Variants in NLRP13 observed in about 807,000 individuals in gnomAD.
The protein encoded by NLRP13 is NLR family pyrin domain containing 13, also known as NACHT, LRR and PYD domains-containing protein 13.
In NLRP13, 82 loss-of-function variants were observed where a neutral mutation model predicts 94.4. The observed-to-expected ratio is 0.87, with a 90% CI of 0.73 to 1.04. The LOEUF is 1.04. Ranked by LOEUF, NLRP13 falls within the 50% of genes least tolerant of loss-of-function variation. The pLI is 0.00. For synonymous variants in NLRP13, 553 were observed against 464.7 expected, an observed-to-expected ratio of 1.19 and a Z score of -2.45; for missense variants, 1,426 against 1,230.8, an observed-to-expected ratio of 1.16 and a Z score of -2.37.
At chr19:55,926,073 G>A (rs898734119) in intron 1 of NLRP13, among the ~76,000 whole-genome samples, 3 of 152,298 alleles carry the variant, frequency 2.0e-5, no homozygotes, top group African/African-American at 4.8e-5. Flanking sequence ...CAGAGGAAAA[G>A]TAGACGATTT....
chr19:55,922,640 T>C (rs1401570423), intron 4 of NLRP13, among the ~76,000 whole-genome samples: 2 of 152,194 alleles, frequency 1.3e-5, no homozygotes, highest in Non-Finnish European at 2.9e-5. Context: ...TGTTTTAAGC[T>C]ATCCAGTTTG....
rs190112717 is a variant in NLRP13, at chr19:55,924,218, G to A, written c.458-239C>T. On this transcript the variant is annotated intron_variant, in intron 3 of 10. Coordinates refer to ENST00000342929, the MANE Select transcript of NLRP13 (RefSeq NM_176810.2). Reference sequence around the variant, plus strand: ...GCTCACTGCAACATCTGCCTCCTGGGTTCAAGAGATTCTCCTGCCTCAGCC... The same window carrying A: ...GCTCACTGCAACATCTGCCTCCTGGATTCAAGAGATTCTCCTGCCTCAGCC... Among the ~76,000 whole-genome samples the A allele has an allele frequency of 2.1e-3, 324 of 152,250 alleles. 2 individuals carry two copies. Among genetic ancestry groups the A allele is most frequent in the African/African-American group, 7.1e-3 (295 of 41,546 alleles).
At chr19:55,927,787 G>T (rs1381428260) in intron 1 of NLRP13, among the ~76,000 whole-genome samples, 1 of 152,122 alleles carries the variant, frequency 6.6e-6, no homozygotes, top group Non-Finnish European at 1.5e-5. Flanking sequence ...GTTTAAGAAA[G>T]AATTGTGGCC....
Position 55,924,779 on chromosome 19 carries a change from G to T in NLRP13, c.389-121C>A, listed in dbSNP as rs549458488. The T allele has an allele frequency of 1.7e-4, 156 of 891,958 alleles. No individual in the cohort carries two copies. In the African/African-American group the frequency reaches 2.4e-3, roughly 14 times the overall value. 55.3% of individuals were successfully genotyped at this position (891,958 alleles called of 1,614,324 possible). On this transcript the variant is annotated intron_variant, in intron 2 of 10. Coordinates refer to ENST00000342929, the MANE Select transcript of NLRP13 (RefSeq NM_176810.2). ...GCAAACGGGATTGAAGAGACTGGAG[G>T]AATCAGTATGCCCAGTTTACAGTAA...
At chr19:55,895,682 C>CA (rs966452009), downstream of NLRP13, among the ~76,000 whole-genome samples, 10 of 152,036 alleles carry the variant, frequency 6.6e-5, no homozygotes, top group African/African-American at 2.4e-4. Flanking sequence ...GACACTGTCT[C>CA]AAAAAAGGTG....
downstream of NLRP13, among the ~76,000 whole-genome samples, chr19:55,893,399 T>G (rs575775798): frequency 6.6e-6 from 1 of 152,002 alleles, no homozygotes; most frequent in Non-Finnish European, 1.5e-5. Context: ...AAAAAAAAAG[T>G]AATGGCAAAA....
chr19:55,932,152 G>A lies in NLRP13; in HGVS notation c.160C>T (p.Arg54Cys), dbSNP rs748977496. 1.4e-5 allele frequency: 22 copies of A among 1,614,050 alleles called. No individual in the cohort carries two copies. Among genetic ancestry groups the A allele is most frequent in the South Asian group, 6.6e-5 (6 of 91,080 alleles). The change falls in exon 1 of 11, where the codon CGT (arginine) becomes TGT (cysteine). Residue 54 changes from arginine (R) to cysteine (C), a missense_variant. Physicochemically the swap from Arg to Cys is radical, Grantham distance 180. Transcript: ENST00000342929. ...FWSAPQGHFPRIPWANLRAAD... is the reference protein window; with the variant it reads ...FWSAPQGHFPCIPWANLRAAD... ...GCTCTCAAGTTTGCCCAGGGGATAC[G>A]CGGGAAGTGCCCCTGGGGGGCCGAC...
intron 8 of NLRP13, among the ~76,000 whole-genome samples, chr19:55,903,931 G>T (rs1339422748): frequency 6.6e-6 from 1 of 152,108 alleles, no homozygotes; most frequent in African/African-American, 2.4e-5. Flanking sequence ...GTCAGATTAA[G>T]GTAACATCCC....
chr19:55,932,207 G>A lies in NLRP13; in HGVS notation c.105C>T (p.Cys35=). Residue 35 remains cysteine (C), a synonymous_variant, in exon 1 of 11, where the codon TGC becomes TGT. Coordinates refer to ENST00000342929, the MANE Select transcript of NLRP13 (RefSeq NM_176810.2). The part of the protein sequence containing the change: ...DQYQLEEFKL[C]LEPQQLMDFW... ...AGTCCATCAGCTGCTGGGGTTCCAAGCAAAGCTTGAATTCCTCCAGCTGAT... is the reference window on the plus strand; with the variant it reads ...AGTCCATCAGCTGCTGGGGTTCCAAACAAAGCTTGAATTCCTCCAGCTGAT... The A allele has an allele frequency of 6.2e-7, 1 of 1,613,966 alleles. No homozygotes were observed. The highest frequency in any genetic ancestry group is 8.5e-7 in the Non-Finnish European group (1 of 1,179,934).
rs1462958155 is a variant in NLRP13, at chr19:55,912,124, C to G, written c.1693G>C (p.Glu565Gln). ...EFPPHSTKPQEMKMLLQHVLL... is the reference protein window; with the variant it reads ...EFPPHSTKPQQMKMLLQHVLL... Reference sequence around the variant, plus strand: ...ACGTGTTGCAGTAACATCTTCATCTCTTGTGGCTTTGTGGAATGGGGAGGG... The same window carrying G: ...ACGTGTTGCAGTAACATCTTCATCTGTTGTGGCTTTGTGGAATGGGGAGGG... Residue 565 changes from glutamate to glutamine, a missense_variant, in exon 5 of 11, where the codon GAG becomes CAG. Glu to Gln is a conservative substitution (Grantham distance 29). Coordinates refer to ENST00000342929, the MANE Select transcript of NLRP13 (RefSeq NM_176810.2). 1 of 1,614,212 alleles carries G rather than the reference C, an allele frequency of 6.2e-7. No homozygotes were observed.
chr19:55,918,757 A>G (rs1986737996), intron 4 of NLRP13, among the ~76,000 whole-genome samples: 1 of 152,108 alleles, frequency 6.6e-6, no homozygotes, highest in Non-Finnish European at 1.5e-5. Context: ...AAATCCCAGT[A>G]CCAGATGTAT....
intron 1 of NLRP13, among the ~76,000 whole-genome samples, chr19:55,926,227 GA>G (rs941979665): frequency 1.3e-5 from 2 of 152,200 alleles, no homozygotes; most frequent in Non-Finnish European, 2.9e-5. Context: ...GATCTTCATA[GA>G]TTAAATTTAA....
At chr19:55,908,362 C>T (rs1347629621) in intron 6 of NLRP13, among the ~76,000 whole-genome samples, 2 of 152,128 alleles carry the variant, frequency 1.3e-5, no homozygotes, top group Admixed American at 6.5e-5. Context: ...CTAAGTACGA[C>T]CAAAAGTTTA....
intron 4 of NLRP13, among the ~76,000 whole-genome samples, chr19:55,914,647 G>A (rs570291576): frequency 1.3e-5 from 2 of 152,246 alleles, no homozygotes; most frequent in South Asian, 4.1e-4. Context: ...TTAGTGAGAT[G>A]GGGCAGTAAT....
chr19:55,906,451 TC>T (rs943979465), intron 7 of NLRP13, among the ~76,000 whole-genome samples: 9 of 151,874 alleles, frequency 5.9e-5, no homozygotes, highest in Non-Finnish European at 8.8e-5. Flanking sequence ...TCCCTAAGGT[TC>T]CCCAAAACCT....
chr19:55,931,688 G>A (rs1370955792), intron 1 of NLRP13, among the ~76,000 whole-genome samples: 3 of 55,850 alleles, frequency 5.4e-5, no homozygotes, highest in Non-Finnish European at 1.1e-4. Context: ...CAGCCTGGGC[G>A]ACAGAGTGGA....
chr19:55,898,376 A>G (rs1157718922), intron 10 of NLRP13, among the ~76,000 whole-genome samples: 1 of 151,680 alleles, frequency 6.6e-6, no homozygotes, highest in Non-Finnish European at 1.5e-5. Flanking sequence ...CACCCAGCTA[A>G]TTTTCGTATT....
intron 9 of NLRP13, among the ~76,000 whole-genome samples, chr19:55,899,660 A>G (rs1020812374): frequency 6.6e-6 from 1 of 152,130 alleles, no homozygotes. Flanking sequence ...GGTGCCTGCA[A>G]TCCCAGCTAC....
At chr19:55,896,820 CAAAAAAAAA>C (rs3073244) in intron 10 of NLRP13, among the ~76,000 whole-genome samples, 5 of 80,912 alleles carry the variant, frequency 6.2e-5, no homozygotes, top group African/African-American at 4.0e-5. Context: ...CTCCATCTCA[CAAAAAAAAA>C]AAAAAAAAAA....
Sources: gnomAD v4.1 joint callset for allele counts (sites outside exome capture counted in the v4.1 genomes callset) on GRCh38, gnomAD v4.1.1 for gene constraint, MANE v1.5 for transcripts, NCBI Gene and HGNC (gene_info 2026-07-23, HGNC 2026-07-21) for gene names.